Variants in ZNF385D observed in about 807,000 individuals in gnomAD.
ZNF385D encodes the protein zinc finger protein 385D.
ZNF385D carries 15 observed loss-of-function variants against 35.8 expected under a neutral mutation model. The observed-to-expected ratio is 0.42, with a 90% CI of 0.28 to 0.64. The LOEUF is 0.64. Ranked by LOEUF, ZNF385D falls within the 30% of genes least tolerant of loss-of-function variation. ZNF385D has a pLI of 0.23. For missense variants in ZNF385D, 474 were observed against 494.6 expected (o/e 0.96, Z 0.39); for synonymous variants, 212 against 186.8 (o/e 1.13, Z -1.10).
In ZNF385D at chr3:21,855,065, C is replaced by G. The variant is rs190985358; in HGVS notation, c.326-190037G>C. On this transcript the variant is annotated intron_variant, in intron 3 of 5. Transcript: ENST00000494108. ...CCACCAGAATTCTTACTTGGCTTTT[C>G]TCAGTGGCTTCTCAGACTTCTTTTA... is the stretch of plus-strand genomic sequence containing the variant. Among the ~76,000 whole-genome samples the G allele has an allele frequency of 2.1e-4, 32 of 152,016 alleles. No homozygotes were observed. In the East Asian group the frequency reaches 5.8e-3, roughly 28 times the overall value.
At chr3:22,060,944 TATCAA>T (rs1269470003) in intron 3 of ZNF385D, among the ~76,000 whole-genome samples, 1 of 152,116 alleles carries the variant, frequency 6.6e-6, no homozygotes, top group Non-Finnish European at 1.5e-5. Flanking sequence ...GTTAATTTCA[TATCAA>T]ATTAAAATTA....
intron 3 of ZNF385D, among the ~76,000 whole-genome samples, chr3:22,090,048 C>T (rs1701249284): frequency 6.6e-6 from 1 of 152,124 alleles, no homozygotes; most frequent in South Asian, 2.1e-4. Context: ...CCATGTTGGC[C>T]AGGATGGTCT....
chr3:22,291,349 C>T (rs985269131), intron 2 of ZNF385D, among the ~76,000 whole-genome samples: 6 of 152,160 alleles, frequency 3.9e-5, no homozygotes, highest in African/African-American at 1.4e-4. Context: ...TTTTCTGCCC[C>T]TATGAGTTCT....
chr3:22,271,876 C>T (rs999087081), intron 2 of ZNF385D, among the ~76,000 whole-genome samples: 4 of 151,954 alleles, frequency 2.6e-5, no homozygotes, highest in Non-Finnish European at 5.9e-5. Context: ...AATTTTTAGA[C>T]TTTACAATAG....
At chr3:21,599,771 C>G (rs78163365) in intron 2 of ZNF385D, among the ~76,000 whole-genome samples, 1 of 152,168 alleles carries the variant, frequency 6.6e-6, no homozygotes, top group Non-Finnish European at 1.5e-5. Flanking sequence ...TCCTCCCTCC[C>G]TACCTATGGA....
intron 3 of ZNF385D, among the ~76,000 whole-genome samples, chr3:21,860,469 AC>A (rs1460939210): frequency 1.8e-5 from 2 of 108,884 alleles, no homozygotes; most frequent in African/African-American, 6.8e-5. Flanking sequence ...AATATTGACT[AC>A]TTTTATAAGC....
chr3:21,619,746 T>C (rs2064950503), intron 2 of ZNF385D, among the ~76,000 whole-genome samples: 1 of 152,104 alleles, frequency 6.6e-6, no homozygotes, highest in Admixed American at 6.6e-5. Context: ...AAGACCCCAC[T>C]ATATTCTAGA....
intron 2 of ZNF385D, among the ~76,000 whole-genome samples, chr3:22,307,727 G>T (rs1484794103): frequency 6.9e-6 from 1 of 144,168 alleles, no homozygotes; most frequent in East Asian, 2.1e-4. Context: ...AGCATACCTA[G>T]AATTTATTGC....
chr3:21,753,438 T>C (rs1205779056), upstream of ZNF385D, among the ~76,000 whole-genome samples: 3 of 152,172 alleles, frequency 2.0e-5, no homozygotes, highest in Admixed American at 1.3e-4. Context: ...CATCTGGTAA[T>C]AGAACATGCC....
intron 2 of ZNF385D, among the ~76,000 whole-genome samples, chr3:21,594,894 A>G (rs903360670): frequency 1.3e-5 from 2 of 152,236 alleles, no homozygotes; most frequent in African/African-American, 4.8e-5. Flanking sequence ...ACACATGGAC[A>G]TATACACACA....
intron 2 of ZNF385D, among the ~76,000 whole-genome samples, chr3:22,245,848 T>A (rs1428097501): frequency 6.6e-6 from 1 of 152,094 alleles, no homozygotes; most frequent in East Asian, 1.9e-4. Context: ...GAATTGTGAT[T>A]GGATTTGACA....
chr3:21,802,016 C>T (rs1014885044), intron 3 of ZNF385D, among the ~76,000 whole-genome samples: 16 of 152,042 alleles, frequency 1.1e-4, no homozygotes, highest in Admixed American at 5.2e-4. Context: ...GGACAGAATA[C>T]AGTTTTCAAC....
At chr3:21,998,480 T>TG (rs1161836231) in intron 3 of ZNF385D, among the ~76,000 whole-genome samples, 1 of 152,214 alleles carries the variant, frequency 6.6e-6, no homozygotes. Context: ...ATTATAAATG[T>TG]AGACATCAGC....
At chr3:21,632,464 T>C (rs1458560394) in intron 2 of ZNF385D, among the ~76,000 whole-genome samples, 1 of 152,138 alleles carries the variant, frequency 6.6e-6, no homozygotes, top group African/African-American at 2.4e-5. Flanking sequence ...GGAAATATAT[T>C]AAATTTTTAC....
intron 3 of ZNF385D, among the ~76,000 whole-genome samples, chr3:22,101,796 T>C (rs1293065986): frequency 6.6e-6 from 1 of 152,028 alleles, no homozygotes; most frequent in Non-Finnish European, 1.5e-5. Context: ...AAGAATGGTA[T>C]ACTTCTTGGA....
chr3:21,880,426 G>A (rs1698215816), intron 3 of ZNF385D, among the ~76,000 whole-genome samples: 1 of 151,854 alleles, frequency 6.6e-6, no homozygotes. Context: ...GTTGATCTGT[G>A]ATCAATGATC....
At chr3:21,873,216 G>C (rs1226381448) in intron 3 of ZNF385D, among the ~76,000 whole-genome samples, 1 of 152,086 alleles carries the variant, frequency 6.6e-6, no homozygotes, top group African/African-American at 2.4e-5. Context: ...GTATAAGTGT[G>C]TTCATGCAGC....
intron 1 of ZNF385D, among the ~76,000 whole-genome samples, chr3:21,697,338 A>C (rs146629366): frequency 6.6e-6 from 1 of 152,186 alleles, no homozygotes; most frequent in Admixed American, 6.5e-5. Flanking sequence ...CAAGAAATCA[A>C]TATATAATGT....
intron 3 of ZNF385D, among the ~76,000 whole-genome samples, chr3:22,045,321 T>C (rs1430644224): frequency 6.6e-6 from 1 of 152,050 alleles, no homozygotes; most frequent in East Asian, 1.9e-4. Flanking sequence ...GATCATATAA[T>C]AAATATAACA....
Sources: allele counts gnomAD v4.1 joint callset (sites outside exome capture counted in the v4.1 genomes callset), GRCh38; gene constraint gnomAD v4.1.1; transcripts MANE v1.5; gene names NCBI Gene and HGNC (gene_info 2026-07-23, HGNC 2026-07-21).